The following SH3RF1 variants were observed in gnomAD, a reference collection of about 807,000 sequenced individuals.
The protein encoded by SH3RF1 is SH3 domain containing ring finger 1.
SH3RF1 carries 32 observed loss-of-function variants against 74.0 expected under a neutral mutation model. The observed-to-expected ratio is 0.43, with a 90% confidence interval of 0.33 to 0.58. The LOEUF (loss-of-function observed/expected upper bound fraction) is 0.58, where lower values mean the gene tolerates loss of function less well. SH3RF1 is among the 20% of genes least tolerant of loss of function. The pLI, the probability that SH3RF1 is intolerant of heterozygous loss-of-function variation, is 0.05. For synonymous variants in SH3RF1, 396 were observed against 439.6 expected, an observed-to-expected ratio of 0.90 and a Z score of 1.24; for missense variants, 954 against 1,130.9, an observed-to-expected ratio of 0.84 and a Z score of 2.24.
intron 5 of SH3RF1, among the ~76,000 whole-genome samples, chr4:169,133,203 C>G (rs10016071): frequency 0.012 from 1,801 of 152,276 alleles, 42 homozygotes; most frequent in African/African-American, 0.041. Flanking sequence ...CATCCAACTG[C>G]CTATATCTAG....
chr4:169,147,970 G>T (rs1417775365), intron 4 of SH3RF1, among the ~76,000 whole-genome samples: 1 of 151,690 alleles, frequency 6.6e-6, no homozygotes, highest in African/African-American at 2.4e-5. Context: ...AAAATAAAAA[G>T]TTGAAAAGAC....
chr4:169,205,706 C>T (rs1300297443), intron 2 of SH3RF1, among the ~76,000 whole-genome samples: 1 of 152,174 alleles, frequency 6.6e-6, no homozygotes, highest in Non-Finnish European at 1.5e-5. Flanking sequence ...ATTTCTCTTT[C>T]CCTTTCTTGA....
intron 2 of SH3RF1, among the ~76,000 whole-genome samples, chr4:169,187,950 AT>A (rs1317316593): frequency 6.6e-6 from 1 of 152,204 alleles, no homozygotes. Context: ...GATGAAGGCC[AT>A]GTGAAAACAC....
intron 2 of SH3RF1, among the ~76,000 whole-genome samples, chr4:169,251,770 C>A (rs1476540163): frequency 6.6e-6 from 1 of 152,102 alleles, no homozygotes; most frequent in Non-Finnish European, 1.5e-5. Context: ...GTAAGGAAAC[C>A]CAATCTGTTT....
chr4:169,111,852 C>T (rs1733250685), intron 10 of SH3RF1, among the ~76,000 whole-genome samples: 1 of 152,116 alleles, frequency 6.6e-6, no homozygotes, highest in Non-Finnish European at 1.5e-5. Flanking sequence ...TTTATCAAAC[C>T]ACGGAGTGCA....
chr4:169,112,314 C>A (rs1349165985), intron 10 of SH3RF1, among the ~76,000 whole-genome samples: 1 of 152,104 alleles, frequency 6.6e-6, no homozygotes, highest in Non-Finnish European at 1.5e-5. Flanking sequence ...AACTTTGGAT[C>A]CAATTCTGAT....
intron 2 of SH3RF1, among the ~76,000 whole-genome samples, chr4:169,186,611 A>C (rs1734609057): frequency 1.3e-5 from 2 of 151,384 alleles, no homozygotes; most frequent in South Asian, 4.2e-4. Context: ...CATTTTGACT[A>C]TTAAAAGTCA....
At chr4:169,205,425 C>G (rs767507083) in intron 2 of SH3RF1, among the ~76,000 whole-genome samples, 1 of 152,158 alleles carries the variant, frequency 6.6e-6, no homozygotes, top group Non-Finnish European at 1.5e-5. Flanking sequence ...AGCATGGCAA[C>G]TCTCCCAAGT....
chr4:169,211,298 C>T (rs957917423), intron 2 of SH3RF1, among the ~76,000 whole-genome samples: 12 of 151,920 alleles, frequency 7.9e-5, no homozygotes, highest in African/African-American at 2.7e-4. Flanking sequence ...CTGGCTAACA[C>T]AGTGAAACCC....
chr4:169,158,608 G>A (rs771450473), intron 2 of SH3RF1, among the ~76,000 whole-genome samples: 11 of 152,234 alleles, frequency 7.2e-5, no homozygotes, highest in Non-Finnish European at 1.6e-4. Flanking sequence ...GTGGAAAATG[G>A]ACGTGAAGTG....
At chr4:169,130,426 CG>C (rs763465466) in intron 5 of SH3RF1, among the ~76,000 whole-genome samples, 20 of 152,194 alleles carry the variant, frequency 1.3e-4, no homozygotes, top group Non-Finnish European at 2.2e-4. Context: ...TTGGCTTTCA[CG>C]GTAACACATT....
chr4:169,113,452 C>G (rs143833818), intron 10 of SH3RF1, among the ~76,000 whole-genome samples: 1,677 of 152,250 alleles, frequency 0.011, 12 homozygotes, highest in Non-Finnish European at 0.015. Flanking sequence ...TGCAGACCAT[C>G]TGGGAAATTC....
chr4:169,149,415 A>G (rs1733942184), intron 4 of SH3RF1, among the ~76,000 whole-genome samples: 1 of 152,198 alleles, frequency 6.6e-6, no homozygotes, highest in Non-Finnish European at 1.5e-5. Context: ...TCAAGTGGAT[A>G]GCATTCAGAA....
intron 2 of SH3RF1, among the ~76,000 whole-genome samples, chr4:169,199,455 A>G (rs1206038266): frequency 2.0e-5 from 3 of 152,140 alleles, no homozygotes; most frequent in African/African-American, 7.2e-5. Context: ...GCATCCAGAG[A>G]GCAGAAGTGA....
Position 169,120,841 on chromosome 4 carries a change from T to G in SH3RF1, c.1495A>C (p.Asn499His), listed in dbSNP as rs1373907754. 6.2e-7 allele frequency: 1 copy of G among 1,614,170 alleles called. No homozygotes were observed. Among genetic ancestry groups the G allele is most frequent in the South Asian group, 1.1e-5 (1 of 91,074 alleles). ...HTSKIGVFPG[N>H]YVAPVTRAVT... ...TACCTTGTGACTGGTGCCACATAAT[T>G]GCCAGGGAAAACCCCTATCTTGCTG... The change falls in exon 8 of 12, where the codon AAT becomes CAT. Residue 499 changes from asparagine (N) to histidine (H), a missense_variant. Physicochemically the swap from Asn to His is moderately conservative, Grantham distance 68. Transcript: ENST00000284637.
At position 169,145,738 on chromosome 4, in the gene SH3RF1, G is replaced by A. The variant is rs183425585; in HGVS notation, c.766-9118C>T. Among the ~76,000 whole-genome samples the A allele has an allele frequency of 1.0e-4, 15 of 144,732 alleles. No individual in the cohort carries two copies. In the East Asian group the frequency reaches 2.8e-3, roughly 27 times the overall value. 94.9% of individuals were successfully genotyped at this position (144,732 alleles called of 152,430 possible). On this transcript the variant is annotated intron_variant, in intron 4 of 11. Transcript: ENST00000284637. ...GCTGGGATTACAGGTGTGAGCCACC[G>A]CCTGGTCTAAAAACTATATAAAATA...
intron 2 of SH3RF1, among the ~76,000 whole-genome samples, chr4:169,191,220 G>C (rs1734701431): frequency 6.8e-6 from 1 of 146,596 alleles, no homozygotes; most frequent in Admixed American, 7.0e-5. Flanking sequence ...AATGTACGCA[G>C]ATCAGTAGCT....
intron 2 of SH3RF1, among the ~76,000 whole-genome samples, chr4:169,226,306 G>A (rs1488770814): frequency 6.6e-6 from 1 of 152,146 alleles, no homozygotes; most frequent in Non-Finnish European, 1.5e-5. Context: ...GTCTTTCACA[G>A]TCACTTGACA....
chr4:169,212,851 T>C (rs933816399), intron 2 of SH3RF1, among the ~76,000 whole-genome samples: 2 of 152,218 alleles, frequency 1.3e-5, no homozygotes, highest in African/African-American at 4.8e-5. Context: ...CGTGCTCAAC[T>C]TACTCATTCT....
Sources: gnomAD v4.1 joint callset for allele counts (sites outside exome capture counted in the v4.1 genomes callset) on GRCh38, gnomAD v4.1.1 for gene constraint, MANE v1.5 for transcripts, NCBI Gene and HGNC (gene_info 2026-07-23, HGNC 2026-07-21) for gene names.